Variants in PCDH7 observed in about 807,000 individuals in gnomAD.
PCDH7 encodes protocadherin-7.
Under a neutral mutation model 58.9 loss-of-function variants are expected in PCDH7, and 17 were observed. The observed-to-expected ratio is 0.29, with a 90% CI of 0.20 to 0.43. The LOEUF is 0.43. Ranked by LOEUF, PCDH7 falls within the 20% of genes least tolerant of loss-of-function variation. The probability of loss-of-function intolerance (pLI) is 1.00; values close to 1 mark genes in which losing one functional copy is unlikely to be tolerated. For synonymous variants in PCDH7, 664 were observed against 616.4 expected, an observed-to-expected ratio of 1.08 and a Z score of -1.14; for missense variants, 1,274 against 1,441.0, an observed-to-expected ratio of 0.88 and a Z score of 1.88.
At chr4:30,783,846 C>T (rs1339080068) in intron 1 of PCDH7, among the ~76,000 whole-genome samples, 1 of 151,944 alleles carries the variant, frequency 6.6e-6, no homozygotes, top group East Asian at 1.9e-4. Flanking sequence ...CTTAATTTAG[C>T]CTCTGGGGTA....
intron 3 of PCDH7, among the ~76,000 whole-genome samples, chr4:31,064,603 C>A (rs1037221703): frequency 6.6e-6 from 1 of 152,004 alleles, no homozygotes; most frequent in African/African-American, 2.4e-5. Context: ...TGGCAGCAAC[C>A]CTTGGTCTTC....
chr4:30,838,171 A>G (rs7434610), intron 1 of PCDH7, among the ~76,000 whole-genome samples: 98,183 of 151,816 alleles, frequency 0.65, 33,878 homozygotes, highest in African/African-American at 0.91. Flanking sequence ...ATATGCATAA[A>G]TATTATAAAT....
chr4:30,996,114 T>C (rs917657582), intron 3 of PCDH7, among the ~76,000 whole-genome samples: 10 of 152,226 alleles, frequency 6.6e-5, no homozygotes, highest in African/African-American at 2.4e-4. Context: ...TCTATCTCTG[T>C]CTTGTCTTCG....
intron 3 of PCDH7, among the ~76,000 whole-genome samples, chr4:30,991,524 T>G (rs574238515): frequency 6.6e-6 from 1 of 152,332 alleles, no homozygotes; most frequent in East Asian, 1.9e-4. Context: ...ATATTTTATT[T>G]AATCTTAATT....
chr4:30,851,032 G>T (rs538850160), intron 1 of PCDH7, among the ~76,000 whole-genome samples: 2 of 152,034 alleles, frequency 1.3e-5, no homozygotes, highest in South Asian at 4.1e-4. Flanking sequence ...GAAATTCTTT[G>T]TAAAATTTTA....
intron 3 of PCDH7, among the ~76,000 whole-genome samples, chr4:31,062,625 A>G (rs1374113338): frequency 6.6e-6 from 1 of 151,744 alleles, no homozygotes; most frequent in African/African-American, 2.4e-5. Context: ...ACTGCCAATG[A>G]AAATCAATAA....
chr4:31,059,578 T>C (rs924785954), intron 3 of PCDH7, among the ~76,000 whole-genome samples: 1 of 151,834 alleles, frequency 6.6e-6, no homozygotes, highest in Non-Finnish European at 1.5e-5. Flanking sequence ...CAAGTTAAAC[T>C]GTTTGAACAC....
intron 3 of PCDH7, among the ~76,000 whole-genome samples, chr4:31,132,407 A>G (rs933868544): frequency 1.3e-5 from 2 of 152,098 alleles, no homozygotes; most frequent in African/African-American, 2.4e-5. Flanking sequence ...TTTATGTACT[A>G]TTTTTAAAGT....
intron 1 of PCDH7, among the ~76,000 whole-genome samples, chr4:30,804,305 C>A (rs973149061): frequency 6.6e-6 from 1 of 152,008 alleles, no homozygotes; most frequent in Non-Finnish European, 1.5e-5. Flanking sequence ...CTTTGGGAGG[C>A]CAAGGTGGGT....
intron 3 of PCDH7, among the ~76,000 whole-genome samples, chr4:31,058,283 T>G (rs1757417218): frequency 6.6e-6 from 1 of 152,126 alleles, no homozygotes. Context: ...GAGTTTTTAC[T>G]GTATTCTTTG....
Position 30,888,001 on chromosome 4 carries a change from G to A in PCDH7, c.71-32152G>A, listed in dbSNP as rs186875799. Reference sequence around the variant, plus strand: ...AGCAATTCTTCTGCCTCAGCCTCCCGAGTAGCTGGGACTACAGGCATGAGC... The same window carrying A: ...AGCAATTCTTCTGCCTCAGCCTCCCAAGTAGCTGGGACTACAGGCATGAGC... On this transcript the variant is annotated intron_variant, in intron 1 of 3. Coordinates refer to the PCDH7 transcript ENST00000509759. 3.0e-4 allele frequency among the ~76,000 whole-genome samples: 46 copies of A among 151,656 alleles called. 1 individual carries two copies. In the East Asian group the frequency reaches 8.2e-3, roughly 27 times the overall value.
Position 30,750,885 on chromosome 4 carries a change from A to AT in PCDH7, c.70+26298dup, listed in dbSNP as rs955928111. 3.0e-4 allele frequency among the ~76,000 whole-genome samples: 45 copies of AT among 151,372 alleles called. No homozygotes were observed. In the East Asian group the frequency reaches 3.9e-3, roughly 13 times the overall value. On this transcript the variant is annotated intron_variant, in intron 1 of 3. Coordinates refer to the PCDH7 transcript ENST00000509759. ...TACTATGATAGAGAATGGAAATACTATTTTTTTTTCCAGGATGTAGAAAGT... is the reference window on the plus strand; with the variant it reads ...TACTATGATAGAGAATGGAAATACTATTTTTTTTTTCCAGGATGTAGAAAGT...
chr4:30,801,719 C>T (rs1383514814), intron 1 of PCDH7, among the ~76,000 whole-genome samples: 1 of 152,124 alleles, frequency 6.6e-6, no homozygotes, highest in Non-Finnish European at 1.5e-5. Flanking sequence ...CAAGGTCATA[C>T]TGGAGGATGA....
At chr4:30,777,636 T>C (rs1187250949) in intron 1 of PCDH7, among the ~76,000 whole-genome samples, 1 of 152,186 alleles carries the variant, frequency 6.6e-6, no homozygotes, top group Non-Finnish European at 1.5e-5. Context: ...AGCAGTGCCA[T>C]GTAAATGCTT....
chr4:30,805,971 T>C lies in PCDH7; in HGVS notation c.70+81375T>C, dbSNP rs562759128. Among the ~76,000 whole-genome samples the C allele has an allele frequency of 2.6e-5, 4 of 152,364 alleles. No individual in the cohort carries two copies. In the South Asian group the frequency reaches 8.3e-4, roughly 32 times the overall value. ...TTGGATTTCCAATTTTTTCAGATTT[T>C]AGAATATTGCATTGTACTTACTAAG... On this transcript the variant is annotated intron_variant, in intron 1 of 3. Transcript: ENST00000509759.
chr4:31,045,849 T>G (rs943438037), intron 3 of PCDH7, among the ~76,000 whole-genome samples: 1 of 152,008 alleles, frequency 6.6e-6, no homozygotes, highest in African/African-American at 2.4e-5. Flanking sequence ...TTCTGATACA[T>G]GAAAGAATGT....
intron 2 of PCDH7, among the ~76,000 whole-genome samples, chr4:30,943,184 T>G (rs1746264250): frequency 6.6e-6 from 1 of 152,036 alleles, no homozygotes; most frequent in African/African-American, 2.4e-5. Flanking sequence ...TTGCTGCCCT[T>G]TTCACCCTTG....
chr4:30,769,880 G>T (rs1355384922), intron 1 of PCDH7, among the ~76,000 whole-genome samples: 3 of 152,202 alleles, frequency 2.0e-5, no homozygotes, highest in Non-Finnish European at 4.4e-5. Context: ...GGATTACAAG[G>T]TGTGATACTT....
At chr4:30,996,471 C>G (rs1751909521) in intron 3 of PCDH7, among the ~76,000 whole-genome samples, 1 of 152,122 alleles carries the variant, frequency 6.6e-6, no homozygotes, top group Admixed American at 6.6e-5. Flanking sequence ...GGCTTTGAGA[C>G]AAAGCCAAAC....
Sources: gnomAD v4.1 joint callset for allele counts (sites outside exome capture counted in the v4.1 genomes callset) on GRCh38, gnomAD v4.1.1 for gene constraint, MANE v1.5 for transcripts, NCBI Gene and HGNC (gene_info 2026-07-23, HGNC 2026-07-21) for gene names.